Variants in EVA1A observed in about 807,000 individuals in gnomAD.
EVA1A encodes the protein eva-1 homolog A, regulator of programmed cell death.
A neutral mutation model predicts 9.8 loss-of-function variants in EVA1A; 7 were observed. That is an observed-to-expected ratio of 0.71 (90% CI 0.41 to 1.34). The LOEUF (loss-of-function observed/expected upper bound fraction) is 1.34, where lower values mean the gene tolerates loss of function less well. Ranked by LOEUF, EVA1A falls within the 40% of genes most tolerant of loss-of-function variation. EVA1A has a pLI of 0.01. For synonymous variants in EVA1A, 90 were observed against 85.6 expected, an observed-to-expected ratio of 1.05 and a Z score of -0.28; for missense variants, 206 against 205.9, an observed-to-expected ratio of 1.00 and a Z score of 0.00.
At chr2:75,533,804 ATTATTTAT>A (rs566181455) in intron 1 of EVA1A, among the ~76,000 whole-genome samples, 1 of 150,580 alleles carries the variant, frequency 6.6e-6, no homozygotes, top group East Asian at 1.9e-4. Flanking sequence ...ATTTTATTTT[ATTATTTAT>A]TTATTTATTT....
chr2:75,494,903 T>A (rs766964478), intron 3 of EVA1A, among the ~76,000 whole-genome samples: 1 of 152,170 alleles, frequency 6.6e-6, no homozygotes, highest in Non-Finnish European at 1.5e-5. Context: ...TGAGAGAAGA[T>A]AACAGTCATT....
chr2:75,561,432 A>C (rs1470618027), upstream of EVA1A: 3 of 150,054 alleles, frequency 2.0e-5, no homozygotes, highest in Non-Finnish European at 4.4e-5. Context: ...ATCTCGAAGG[A>C]ATGTTCATTT....
intron 1 of EVA1A, among the ~76,000 whole-genome samples, chr2:75,536,849 A>G (rs938188401): frequency 2.6e-5 from 4 of 152,130 alleles, no homozygotes; most frequent in African/African-American, 9.7e-5. Context: ...TCAGGCCTAG[A>G]TGGTTTCACT....
At chr2:75,567,723 A>G (rs1233647005) in intron 1 of EVA1A, among the ~76,000 whole-genome samples, 2 of 152,188 alleles carry the variant, frequency 1.3e-5, no homozygotes, top group African/African-American at 2.4e-5. Context: ...AATCAAACCA[A>G]CTGGATGGCA....
intron 1 of EVA1A, among the ~76,000 whole-genome samples, chr2:75,560,056 G>A (rs900103969): frequency 1.3e-5 from 2 of 152,236 alleles, no homozygotes; most frequent in South Asian, 2.1e-4. Flanking sequence ...TAGTAGGGGT[G>A]GGGACCCCCA....
chr2:75,504,803 G>A (rs954581519), intron 3 of EVA1A, among the ~76,000 whole-genome samples: 2 of 151,804 alleles, frequency 1.3e-5, no homozygotes, highest in African/African-American at 4.8e-5. Context: ...TCGGGGGGTG[G>A]GGGGCAAGGG....
chr2:75,502,088 A>G (rs1042049798), intron 3 of EVA1A, among the ~76,000 whole-genome samples: 1 of 152,230 alleles, frequency 6.6e-6, no homozygotes, highest in African/African-American at 2.4e-5. Context: ...GCAATAACTC[A>G]ACCTCTCTTG....
At chr2:75,548,550 A>C (rs1008223368) in intron 1 of EVA1A, among the ~76,000 whole-genome samples, 2 of 152,124 alleles carry the variant, frequency 1.3e-5, no homozygotes, top group African/African-American at 4.8e-5. Context: ...ACATGAAAAA[A>C]TTTCACATAT....
chr2:75,499,146 A>G, intron 3 of EVA1A, among the ~76,000 whole-genome samples: 1 of 152,232 alleles, frequency 6.6e-6, no homozygotes, highest in Middle Eastern at 3.2e-3. Context: ...GGGCAAATAA[A>G]AGCCCTGGAC....
At chr2:75,546,127 C>T (rs1676320523) in intron 1 of EVA1A, among the ~76,000 whole-genome samples, 1 of 152,108 alleles carries the variant, frequency 6.6e-6, no homozygotes, top group Non-Finnish European at 1.5e-5. Flanking sequence ...CTGGTGTGTT[C>T]TGCAAGGGAG....
At chr2:75,503,632 A>G (rs1572947985) in intron 3 of EVA1A, among the ~76,000 whole-genome samples, 2 of 152,258 alleles carry the variant, frequency 1.3e-5, no homozygotes, top group East Asian at 3.9e-4. Flanking sequence ...GGAGCTTCCA[A>G]TTCCTTAAGT....
intron 3 of EVA1A, among the ~76,000 whole-genome samples, chr2:75,508,010 A>G (rs1357716647): frequency 6.6e-6 from 1 of 152,186 alleles, no homozygotes; most frequent in Non-Finnish European, 1.5e-5. Context: ...TGCAATCTCT[A>G]AACATAAATT....
At chr2:75,545,944 A>T (rs1166289318) in intron 1 of EVA1A, among the ~76,000 whole-genome samples, 1 of 152,064 alleles carries the variant, frequency 6.6e-6, no homozygotes, top group Non-Finnish European at 1.5e-5. Context: ...AGAATGGGGG[A>T]GGATGAGCAC....
rs542908487 is a variant in EVA1A at position 75,493,199 on chromosome 2, A to G, written c.*37T>C. On this transcript the variant is annotated 3_prime_UTR_variant, in exon 4 of 4. Transcript: ENST00000393913. ...TGTCCCTGCAGACGCTCTCCTTTCC[A>G]GGCGGCCTCCAGTGGTTTCCGGGGT... The G allele has an allele frequency of 4.3e-5, 67 of 1,571,664 alleles. No homozygotes were observed. The highest frequency in any genetic ancestry group is 5.7e-5 in the Non-Finnish European group (66 of 1,158,726).
At chr2:75,566,427 G>A (rs1467751815) in intron 1 of EVA1A, among the ~76,000 whole-genome samples, 2 of 152,208 alleles carry the variant, frequency 1.3e-5, no homozygotes, top group East Asian at 1.9e-4. Flanking sequence ...AGGAGCACAC[G>A]TCAGTCGTTC....
chr2:75,501,478 C>T (rs548706985), intron 3 of EVA1A, among the ~76,000 whole-genome samples: 17 of 152,250 alleles, frequency 1.1e-4, no homozygotes, highest in Non-Finnish European at 2.4e-4. Flanking sequence ...ATCCTTCACA[C>T]ACTTTGGTTT....
chr2:75,493,580 C>T lies in EVA1A; in HGVS notation c.115G>A (p.Val39Ile). The change falls in exon 4 of 4, where the codon GTT becomes ATT. Residue 39 changes from valine to isoleucine, a missense_variant. Physicochemically the swap from Val to Ile is conservative, Grantham distance 29. Coordinates refer to ENST00000393913, the MANE Select transcript of EVA1A (RefSeq NM_001135032.2). ...ENPERAALYF[V>I]SGVCIGLVLT... ...ACCAGCCCGATGCACACGCCAGAAACAAAGTACAGAGCTGCTCGCTCAGGA... is the reference window on the plus strand; with the variant it reads ...ACCAGCCCGATGCACACGCCAGAAATAAAGTACAGAGCTGCTCGCTCAGGA... 6.2e-7 allele frequency: 1 copy of T among 1,611,818 alleles called. No individual in the cohort carries two copies. The highest frequency in any genetic ancestry group is 8.5e-7 in the Non-Finnish European group (1 of 1,178,790).
At chr2:75,510,091 G>C (rs901737939) in intron 3 of EVA1A, among the ~76,000 whole-genome samples, 4 of 152,034 alleles carry the variant, frequency 2.6e-5, no homozygotes, top group Non-Finnish European at 5.9e-5. Flanking sequence ...TCTATACTTA[G>C]TTCTTAAGAT....
At chr2:75,542,374 T>G (rs551695281) in intron 1 of EVA1A, 1 of 152,248 alleles carries the variant, frequency 6.6e-6, no homozygotes, top group Non-Finnish European at 1.5e-5. Flanking sequence ...CCACACTGCC[T>G]AGAGTGAAAT....
Sources: gnomAD v4.1 joint callset for allele counts (sites outside exome capture counted in the v4.1 genomes callset) on GRCh38, gnomAD v4.1.1 for gene constraint, MANE v1.5 for transcripts, NCBI Gene and HGNC (gene_info 2026-07-23, HGNC 2026-07-21) for gene names.